Variants in HNRNPR observed in about 807,000 individuals in gnomAD.
The protein encoded by HNRNPR is heterogeneous nuclear ribonucleoprotein R.
Under a neutral mutation model 70.3 loss-of-function variants are expected in HNRNPR, and 4 were observed. That is an observed-to-expected ratio of 0.06 (90% confidence interval 0.03 to 0.13). The LOEUF (loss-of-function observed/expected upper bound fraction) is 0.13. Among genes scored for constraint, HNRNPR ranks in the 10% least tolerant of loss-of-function variants. HNRNPR has a pLI of 1.00. For synonymous variants in HNRNPR, 241 were observed against 267.6 expected (o/e 0.90, Z 0.97); for missense variants, 423 against 788.5 (o/e 0.54, Z 5.55).
chr1:23,341,719 TAA>T (rs956903972), intron 1 of HNRNPR, among the ~76,000 whole-genome samples: 4 of 151,168 alleles, frequency 2.6e-5, no homozygotes, highest in East Asian at 1.9e-4. Flanking sequence ...GGTTGCTTCT[TAA>T]AAAAAAAGAG....
Position 23,310,956 on chromosome 1 carries a change from T to G in HNRNPR, c.1400A>C (p.Tyr467Ser), listed in dbSNP as rs755327808. ...ATAGTAATCATCATAGTAATCTTCA[T>G]AGCCGTAGTAATCTGGAGGGTAGCC... ...GYGYPPDYYG[Y>S]EDYYDDYYGY... is the part of the protein sequence containing the mutation. The change falls in exon 11 of 11, where the codon TAT (tyrosine) becomes TCT (serine). Residue 467 changes from tyrosine to serine, a missense_variant. This residue lies in a region of HNRNPR where 169 missense variants were observed against 195.6 expected (regional missense o/e 0.86). Transcript: ENST00000302271. This position sits in a 1 kb window ranked among gnomAD's most constrained non-coding sequence, Gnocchi z 6.0. 1.2e-6 allele frequency: 2 copies of G among 1,614,006 alleles called. No homozygotes were observed. The highest frequency in any genetic ancestry group is 1.7e-6 in the Non-Finnish European group (2 of 1,180,036).
intron 4 of HNRNPR, among the ~76,000 whole-genome samples, chr1:23,334,253 T>TG (rs1553159450): frequency 6.8e-6 from 1 of 147,700 alleles, no homozygotes; most frequent in Middle Eastern, 3.3e-3. Context: ...TTTTTTTTTT[T>TG]TGAGACGGAG....
intron 9 of HNRNPR, 118 bp downstream of exon 9, chr1:23,313,435 G>GA: frequency 1.4e-6 from 1 of 695,534 alleles, no homozygotes; most frequent in South Asian, 2.0e-5. Flanking sequence ...AGATTAAATA[G>GA]AAAGAGTTCA....
rs908420062 is a variant in HNRNPR, at chr1:23,307,211, T to C, written c.*3243A>G. 5 of 152,154 alleles carry C rather than the reference T, an allele frequency of 3.3e-5. No homozygotes were observed. The highest frequency in any genetic ancestry group is 4.4e-5 in the Non-Finnish European group (3 of 67,980). The allele number at this position is 152,154 out of a possible 1,614,324, so 9.4% of individuals were successfully genotyped here. Reference sequence around the variant, plus strand: ...AGTATTTACTGGAAGGGTTTGGTTTTACAAATGCACAATTAATAAAACGTA... The same window carrying C: ...AGTATTTACTGGAAGGGTTTGGTTTCACAAATGCACAATTAATAAAACGTA... On this transcript the variant is annotated 3_prime_UTR_variant, in exon 11 of 11. Transcript: ENST00000302271.
At chr1:23,312,498 G>A (rs1177639899) in intron 9 of HNRNPR, among the ~76,000 whole-genome samples, 1 of 152,266 alleles carries the variant, frequency 6.6e-6, no homozygotes, top group East Asian at 1.9e-4. Context: ...TGAAATTTCA[G>A]AAGCCACAAA....
intron 2 of HNRNPR, among the ~76,000 whole-genome samples, 168 bp downstream of exon 2, chr1:23,340,682 TAA>T (rs960006588): frequency 1.3e-5 from 2 of 152,236 alleles, no homozygotes; most frequent in Non-Finnish European, 1.5e-5. Context: ...AATAATGAAA[TAA>T]GAGTATCAAA....
intron 4 of HNRNPR, among the ~76,000 whole-genome samples, chr1:23,334,374 C>A (rs1159643838): frequency 8.6e-5 from 13 of 150,914 alleles, no homozygotes; most frequent in Non-Finnish European, 1.6e-4. Flanking sequence ...GCAGCTGGGA[C>A]TACAGGCACC....
chr1:23,311,538 T>C (rs1035070323), intron 9 of HNRNPR: 20 of 404,910 alleles, frequency 4.9e-5, no homozygotes, highest in African/African-American at 3.8e-4. Context: ...ATAAATTACA[T>C]TTAGAACAAA....
At chr1:23,336,278 A>T (rs149497936) in intron 4 of HNRNPR, among the ~76,000 whole-genome samples, 276 of 148,386 alleles carry the variant, frequency 1.9e-3, no homozygotes, top group African/African-American at 6.6e-3. Context: ...AACAAAAAAA[A>T]TTAGCAGCCA....
chr1:23,324,867 G>A (rs1029560181), intron 5 of HNRNPR, among the ~76,000 whole-genome samples: 26 of 152,164 alleles, frequency 1.7e-4, no homozygotes, highest in Non-Finnish European at 2.8e-4. Flanking sequence ...TTGGCCGGGC[G>A]CGGTGGCTCA....
At position 23,310,777 on chromosome 1, in the gene HNRNPR, C is replaced by T. The variant is rs1645299917; in HGVS notation, c.1579G>A (p.Ala527Thr). The T allele has an allele frequency of 1.2e-6, 2 of 1,614,028 alleles. No individual in the cohort carries two copies. The highest frequency in any genetic ancestry group is 4.5e-5 in the East Asian group (2 of 44,878). Residue 527 changes from alanine to threonine, a missense_variant, in exon 11 of 11, where the codon GCT becomes ACT. Ala to Thr is a moderately conservative substitution (Grantham distance 58). Around this residue, in one of 7 missense-constraint regions of HNRNPR, gnomAD observed 169 missense variants for 195.6 expected, o/e 0.86. Transcript: ENST00000302271. The surrounding 1 kb of genome is among the most constrained non-coding windows in gnomAD (Gnocchi z 6.0). ...GGTGCCCCCCTCTGTGAATAGCCAG[C>T]TCTACCTCTTGGAGGTGGTGCTCCC... ...GRGAPPPRGRAGYSQRGAPLG... is the reference protein window; with the variant it reads ...GRGAPPPRGRTGYSQRGAPLG...
chr1:23,315,587 A>T (rs573393148), intron 8 of HNRNPR, among the ~76,000 whole-genome samples: 1 of 152,336 alleles, frequency 6.6e-6, no homozygotes, highest in East Asian at 1.9e-4. Flanking sequence ...AAAGGAAACC[A>T]GCAACTATTA....
In HNRNPR at chr1:23,306,808, A is replaced by C. The variant is rs1199337211; in HGVS notation, c.*3646T>G. 1 of 152,240 alleles carries C rather than the reference A, an allele frequency of 6.6e-6. No homozygotes were observed. The highest frequency in any genetic ancestry group is 1.5e-5 in the Non-Finnish European group (1 of 68,034). 9.4% of individuals were successfully genotyped at this position (152,240 alleles called of 1,614,324 possible). On this transcript the variant is annotated 3_prime_UTR_variant, in exon 11 of 11. Coordinates refer to ENST00000302271, the MANE Select transcript of HNRNPR (RefSeq NM_005826.5). ...GCGTTTGAAAATTAAGACCTAATCA[A>C]CAAACTTCTAATATAAAAGTAAACA...
At chr1:23,330,611 C>A (rs1389048285) in intron 5 of HNRNPR, among the ~76,000 whole-genome samples, 1 of 152,144 alleles carries the variant, frequency 6.6e-6, no homozygotes, top group African/African-American at 2.4e-5. Context: ...AAAAATACTA[C>A]AACTAGAGTA....
In HNRNPR at chr1:23,315,811, C is replaced by T. The variant is rs185940434; in HGVS notation, c.1018-2109G>A. Among the ~76,000 whole-genome samples the T allele has an allele frequency of 8.1e-4, 124 of 152,246 alleles. 1 individual carries two copies. The highest frequency in any genetic ancestry group is 2.8e-3 in the African/African-American group (115 of 41,546). On this transcript the variant is annotated intron_variant, in intron 8 of 10. Coordinates refer to ENST00000302271, the MANE Select transcript of HNRNPR (RefSeq NM_005826.5). ...CTAATTTAAGGAGGAAAAAAACTAA[C>T]ATTTTCCACAAACGCTCCATCCCCT...
chr1:23,318,712 A>G lies in HNRNPR; in HGVS notation c.812-24T>C, dbSNP rs775951203. 8 of 1,611,838 alleles carry G rather than the reference A, an allele frequency of 5.0e-6. No homozygotes were observed. In the Admixed American group the frequency reaches 5.0e-5, roughly 10 times the overall value. On this transcript the variant is annotated intron_variant, in intron 7 of 10. Coordinates refer to ENST00000302271, the MANE Select transcript of HNRNPR (RefSeq NM_005826.5). The surrounding 1 kb of genome is among the most constrained non-coding windows in gnomAD (Gnocchi z 4.2). ...CTCTGTTAAACCAACAGCCAGATATATAAGCCAAAAGCATCCACCACACAT... is the reference window on the plus strand; with the variant it reads ...CTCTGTTAAACCAACAGCCAGATATGTAAGCCAAAAGCATCCACCACACAT...
intron 4 of HNRNPR, among the ~76,000 whole-genome samples, chr1:23,336,116 C>CAGAAAAAAAAA (rs1646469680): frequency 2.0e-5 from 1 of 49,482 alleles, no homozygotes. Flanking sequence ...GACTCCGTCT[C>CAGAAAAAAAAA]AAAAAAAAAA....
chr1:23,340,920 T>C lies in HNRNPR; in HGVS notation c.89A>G (p.Tyr30Cys), dbSNP rs1343265895. The stretch of plus-strand genomic sequence containing the variant: ...GAGGCCTGCCTCTATCAGTGTCTTG[T>C]AGTGTTCTGTGTGAGTTACACTGGA... ...DTSSVTHTEH[Y>C]KTLIEAGLPQ... is the part of the protein sequence containing the mutation. Residue 30 changes from tyrosine (Y) to cysteine (C), a missense_variant, in exon 2 of 11, where the codon TAC (tyrosine) becomes TGC (cysteine). By Grantham distance (194) the Tyr-to-Cys change is radical. Around this residue, in one of 7 missense-constraint regions of HNRNPR, gnomAD observed 44 missense variants for 89.0 expected, o/e 0.49. Transcript: ENST00000302271. 10 of 1,613,420 alleles carry C rather than the reference T, an allele frequency of 6.2e-6. No individual in the cohort carries two copies. The highest frequency in any genetic ancestry group is 1.7e-5 in the Admixed American group (1 of 59,956).
chr1:23,332,229 A>C (rs1478159715), intron 5 of HNRNPR, among the ~76,000 whole-genome samples: 1 of 152,134 alleles, frequency 6.6e-6, no homozygotes, highest in Non-Finnish European at 1.5e-5. Context: ...CAGATGGGGA[A>C]AGAATTGCTT....
Sources: gnomAD v4.1 joint callset for allele counts (sites outside exome capture counted in the v4.1 genomes callset) on GRCh38, gnomAD v4.1.1 for gene constraint, gnomAD v4.1.1 regional missense constraint, Gnocchi (gnomAD v3.1) non-coding constraint, MANE v1.5 for transcripts, NCBI Gene and HGNC (gene_info 2026-07-23, HGNC 2026-07-21) for gene names.